ULK4: variants seen among roughly 807,000 people sequenced by gnomAD.
ULK4 encodes the protein inactive serine/threonine-protein kinase ULK4.
ULK4 carries 133 observed loss-of-function variants against 160.6 expected under a neutral mutation model. The ratio of observed to expected loss-of-function variants is 0.83; its 90% confidence interval spans 0.72 to 0.96. The LOEUF is 0.96. ULK4 is among the 40% of genes least tolerant of loss of function. The pLI, the probability that ULK4 is intolerant of heterozygous loss-of-function variation, is 0.00. For synonymous variants in ULK4, 534 were observed against 539.8 expected (o/e 0.99, Z 0.15); for missense variants, 1,580 against 1,499.5 (o/e 1.05, Z -0.89).
chr3:41,869,474 G>A (rs1254773080), intron 17 of ULK4, among the ~76,000 whole-genome samples: 2 of 152,076 alleles, frequency 1.3e-5, no homozygotes, highest in Admixed American at 6.5e-5. Context: ...CCAGTTACTC[G>A]GGAGGTTGAG....
At chr3:41,493,386 C>A (rs1575305783) in intron 32 of ULK4, among the ~76,000 whole-genome samples, 3 of 139,572 alleles carry the variant, frequency 2.1e-5, no homozygotes, top group Admixed American at 7.2e-5. Flanking sequence ...CCAACGAGAA[C>A]AAAGACACAA....
intron 21 of ULK4, among the ~76,000 whole-genome samples, chr3:41,769,697 T>C (rs1464781931): frequency 6.6e-6 from 1 of 152,184 alleles, no homozygotes; most frequent in Non-Finnish European, 1.5e-5. Flanking sequence ...CTCTCTGAAA[T>C]ATACAAAGCT....
At chr3:41,521,099 A>T (rs1228282082) in intron 32 of ULK4, among the ~76,000 whole-genome samples, 1 of 152,240 alleles carries the variant, frequency 6.6e-6, no homozygotes, top group East Asian at 1.9e-4. Context: ...ATGAAATGGA[A>T]GAAGCCAGAT....
At chr3:41,314,592 T>A (rs1212918471) in intron 35 of ULK4, among the ~76,000 whole-genome samples, 1 of 152,242 alleles carries the variant, frequency 6.6e-6, no homozygotes, top group Admixed American at 6.5e-5. Flanking sequence ...CTTAATAGCA[T>A]AAGAATATGT....
intron 17 of ULK4, among the ~76,000 whole-genome samples, chr3:41,881,914 C>T (rs1559626605): frequency 6.6e-6 from 1 of 152,150 alleles, no homozygotes; most frequent in East Asian, 1.9e-4. Context: ...AAACTGGCCA[C>T]AGAACTCAAC....
intron 30 of ULK4, among the ~76,000 whole-genome samples, chr3:41,641,745 TA>T (rs2034205946): frequency 6.6e-6 from 1 of 152,074 alleles, no homozygotes; most frequent in African/African-American, 2.4e-5. Context: ...TGAACATGCT[TA>T]AACGATTTAT....
chr3:41,416,285 T>C (rs2082523953), intron 34 of ULK4, among the ~76,000 whole-genome samples: 1 of 152,216 alleles, frequency 6.6e-6, no homozygotes, highest in South Asian at 2.1e-4. Flanking sequence ...ATTTAAAAAT[T>C]GGAATATTTC....
chr3:41,455,662 G>T, intron 33 of ULK4, 67 bp from the exon 34 acceptor site: 1 of 1,468,138 alleles, frequency 6.8e-7, no homozygotes, highest in South Asian at 1.1e-5. Context: ...AAGGAAACAG[G>T]ACCACTCCAT....
At chr3:41,289,649 CAGGGTGGG>C in intron 35 of ULK4, among the ~76,000 whole-genome samples, 1 of 152,246 alleles carries the variant, frequency 6.6e-6, no homozygotes, top group Non-Finnish European at 1.5e-5. Flanking sequence ...CCATGGTAGA[CAGGGTGGG>C]AGGAATCTCG....
At chr3:41,475,886 A>G (rs1358067833) in intron 32 of ULK4, among the ~76,000 whole-genome samples, 1 of 151,660 alleles carries the variant, frequency 6.6e-6, no homozygotes, top group African/African-American at 2.4e-5. Flanking sequence ...GGGAGGAGAG[A>G]AGGAGGGAAG....
chr3:41,570,587 G>A (rs1179017422), intron 31 of ULK4, among the ~76,000 whole-genome samples: 1 of 152,086 alleles, frequency 6.6e-6, no homozygotes, highest in Non-Finnish European at 1.5e-5. Flanking sequence ...GCAAATATAG[G>A]TCAGTCTTAC....
chr3:41,813,043 T>C (rs1246981020), intron 19 of ULK4, among the ~76,000 whole-genome samples: 3 of 152,158 alleles, frequency 2.0e-5, no homozygotes, highest in Non-Finnish European at 4.4e-5. Flanking sequence ...TAATAGTCTA[T>C]ATAATTATGG....
rs372056303 is a variant in ULK4 at position 41,757,462 on chromosome 3, C to T, written c.2194-2974G>A. ...CCTGGCTAACACAGTGAAACCCCGTCTCTACTAAAAATACAAAAAATTAGC... is the reference window on the plus strand; with the variant it reads ...CCTGGCTAACACAGTGAAACCCCGTTTCTACTAAAAATACAAAAAATTAGC... On this transcript the variant is annotated intron_variant, in intron 21 of 36. Coordinates refer to ENST00000301831, the MANE Select transcript of ULK4 (RefSeq NM_017886.4). Among the ~76,000 whole-genome samples, 364 of 151,778 alleles carry T rather than the reference C, an allele frequency of 2.4e-3. 1 individual carries two copies. The highest frequency in any genetic ancestry group is 7.8e-3 in the African/African-American group (324 of 41,454).
At chr3:41,903,845 T>C (rs1575920044) in intron 12 of ULK4, among the ~76,000 whole-genome samples, 1 of 152,046 alleles carries the variant, frequency 6.6e-6, no homozygotes, top group Admixed American at 6.5e-5. Flanking sequence ...CACATATGTA[T>C]AAAACCAGAA....
intron 27 of ULK4, among the ~76,000 whole-genome samples, chr3:41,686,235 C>T (rs2125798009): frequency 6.6e-6 from 1 of 152,152 alleles, no homozygotes; most frequent in African/African-American, 2.4e-5. Flanking sequence ...ACTATCAAAA[C>T]TTAATAGCTA....
chr3:41,592,311 A>G (rs1247632463), intron 31 of ULK4, among the ~76,000 whole-genome samples: 2 of 152,152 alleles, frequency 1.3e-5, no homozygotes, highest in East Asian at 3.9e-4. Flanking sequence ...GCAGCGGGAA[A>G]AGCCCTGTGG....
At chr3:41,761,995 G>A (rs1239763488) in intron 21 of ULK4, among the ~76,000 whole-genome samples, 1 of 152,032 alleles carries the variant, frequency 6.6e-6, no homozygotes, top group South Asian at 2.1e-4. Flanking sequence ...GAGGTGGATG[G>A]ATCACTTGAG....
At chr3:41,821,593 T>C (rs569517293) in intron 18 of ULK4, among the ~76,000 whole-genome samples, 34 of 152,286 alleles carry the variant, frequency 2.2e-4, no homozygotes, top group African/African-American at 7.9e-4. Context: ...TTCTTCAGGG[T>C]CATTAGCTAA....
At chr3:41,365,419 T>C (rs1042478943) in intron 35 of ULK4, among the ~76,000 whole-genome samples, 5 of 152,210 alleles carry the variant, frequency 3.3e-5, no homozygotes, top group Non-Finnish European at 5.9e-5. Context: ...AAAAGTATTA[T>C]GTATCTGGAA....
Sources: gnomAD v4.1 joint callset for allele counts (sites outside exome capture counted in the v4.1 genomes callset) on GRCh38, gnomAD v4.1.1 for gene constraint, MANE v1.5 for transcripts, NCBI Gene and HGNC (gene_info 2026-07-23, HGNC 2026-07-21) for gene names.